The following FMNL2 variants were observed in gnomAD, a reference collection of about 807,000 sequenced individuals.
The protein encoded by FMNL2 is formin-like protein 2.
Under a neutral mutation model 130.2 loss-of-function variants are expected in FMNL2, and 51 were observed. The observed-to-expected ratio is 0.39, with a 90% CI of 0.31 to 0.49. The LOEUF (loss-of-function observed/expected upper bound fraction) is 0.49. Ranked by LOEUF, FMNL2 falls within the 20% of genes least tolerant of loss-of-function variation. The probability of loss-of-function intolerance (pLI) is 0.85; values close to 1 mark genes in which losing one functional copy is unlikely to be tolerated. For missense variants in FMNL2, 977 were observed against 1,316.2 expected (o/e 0.74, Z 3.99); for synonymous variants, 465 against 467.1 (o/e 1.00, Z 0.06).
At chr2:152,545,259 T>C (rs927817108) in intron 3 of FMNL2, among the ~76,000 whole-genome samples, 1 of 152,108 alleles carries the variant, frequency 6.6e-6, no homozygotes, top group Non-Finnish European at 1.5e-5. Context: ...TTCTCAGCTG[T>C]ATTATGGTGG....
chr2:152,578,294 A>G (rs991842974), intron 7 of FMNL2, among the ~76,000 whole-genome samples: 1 of 152,134 alleles, frequency 6.6e-6, no homozygotes. Flanking sequence ...GTAGTCAAAA[A>G]TCTGTATATA....
At chr2:152,347,274 G>A (rs1009110157) in intron 1 of FMNL2, among the ~76,000 whole-genome samples, 15 of 152,124 alleles carry the variant, frequency 9.9e-5, no homozygotes, top group Admixed American at 9.2e-4. Flanking sequence ...GTGGAAGAGA[G>A]TAGGCCACAG....
intron 1 of FMNL2, among the ~76,000 whole-genome samples, chr2:152,428,654 A>T (rs1246463147): frequency 6.6e-6 from 1 of 152,172 alleles, no homozygotes; most frequent in Non-Finnish European, 1.5e-5. Flanking sequence ...AAAGACCCCT[A>T]TAGAATATCT....
intron 2 of FMNL2, among the ~76,000 whole-genome samples, chr2:152,532,388 C>T (rs796387495): frequency 1.3e-5 from 2 of 152,094 alleles, no homozygotes; most frequent in South Asian, 2.1e-4. Flanking sequence ...GATGTAATAG[C>T]GTCCCTGTTG....
At chr2:152,391,615 T>C (rs1228265600) in intron 1 of FMNL2, among the ~76,000 whole-genome samples, 1 of 151,898 alleles carries the variant, frequency 6.6e-6, no homozygotes, top group Non-Finnish European at 1.5e-5. Context: ...TTACTGTAGT[T>C]AGACAGAGTT....
intron 9 of FMNL2, among the ~76,000 whole-genome samples, chr2:152,595,674 T>C (rs1365834502): frequency 6.6e-6 from 1 of 152,160 alleles, no homozygotes; most frequent in African/African-American, 2.4e-5. Context: ...TTTACTTGGG[T>C]GGATTCATTC....
chr2:152,624,076 CTCAA>C (rs1681586647), intron 15 of FMNL2, among the ~76,000 whole-genome samples: 1 of 1,692 alleles, frequency 5.9e-4, no homozygotes, highest in African/African-American at 2.8e-3. Flanking sequence ...CTCCCCTCCA[CTCAA>C]TTCCCTTCGC....
At chr2:152,359,481 C>CTTTTTTTTTTT (rs10694393) in intron 1 of FMNL2, among the ~76,000 whole-genome samples, 15 of 73,050 alleles carry the variant, frequency 2.1e-4, no homozygotes, top group African/African-American at 5.0e-4. Context: ...AAGAGGTAGC[C>CTTTTTTTTTTT]TTTTTTTTTT....
chr2:152,649,522 G>T lies in FMNL2; in HGVS notation c.*1617G>T, dbSNP rs1298360704. The T allele has an allele frequency of 6.6e-6, 1 of 152,528 alleles. No individual in the cohort carries two copies. 9.4% of individuals were successfully genotyped at this position (152,528 alleles called of 1,614,324 possible). On this transcript the variant is annotated 3_prime_UTR_variant, in exon 26 of 26. Transcript: ENST00000288670. Reference sequence around the variant, plus strand: ...ATAAATGTGTACTTTACTTTAAAAAGAACATGCCACGATTTTGTCTTTCTG... The same window carrying T: ...ATAAATGTGTACTTTACTTTAAAAATAACATGCCACGATTTTGTCTTTCTG...
chr2:152,638,753 G>A (rs1682833283), intron 23 of FMNL2, among the ~76,000 whole-genome samples: 1 of 152,222 alleles, frequency 6.6e-6, no homozygotes, highest in Non-Finnish European at 1.5e-5. Flanking sequence ...GCAGTGCTTG[G>A]TAGCCCAAGC....
intron 1 of FMNL2, among the ~76,000 whole-genome samples, chr2:152,341,925 G>A (rs1446422258): frequency 6.6e-6 from 1 of 152,198 alleles, no homozygotes; most frequent in Non-Finnish European, 1.5e-5. Flanking sequence ...GTGATTGGAA[G>A]GCCCTTTGCA....
intron 25 of FMNL2, among the ~76,000 whole-genome samples, chr2:152,646,169 A>AAC (rs1491138378): frequency 1.4e-5 from 2 of 138,286 alleles, no homozygotes; most frequent in African/African-American, 5.1e-5. Flanking sequence ...AAAAAAAAAA[A>AAC]ACAAACAAAC....
chr2:152,550,640 A>G (rs1694884189), intron 4 of FMNL2, among the ~76,000 whole-genome samples: 1 of 152,226 alleles, frequency 6.6e-6, no homozygotes, highest in Non-Finnish European at 1.5e-5. Context: ...ATCTGGGATC[A>G]AAGCAATGAG....
intron 9 of FMNL2, among the ~76,000 whole-genome samples, chr2:152,597,099 A>G (rs1354326799): frequency 6.6e-6 from 1 of 152,230 alleles, no homozygotes; most frequent in Non-Finnish European, 1.5e-5. Context: ...AATCACATGC[A>G]TTATTTTTAC....
intron 1 of FMNL2, among the ~76,000 whole-genome samples, chr2:152,521,244 A>G (rs1693068586): frequency 6.6e-6 from 1 of 152,154 alleles, no homozygotes; most frequent in South Asian, 2.1e-4. Flanking sequence ...CCTGGGAAAA[A>G]ATCCATGACC....
intron 3 of FMNL2, among the ~76,000 whole-genome samples, chr2:152,548,160 G>A (rs1694748429): frequency 1.3e-5 from 2 of 152,166 alleles, no homozygotes; most frequent in Non-Finnish European, 2.9e-5. Context: ...TGCTCTGGAG[G>A]AAGGACCCTC....
intron 21 of FMNL2, among the ~76,000 whole-genome samples, chr2:152,632,609 T>A (rs1682252479): frequency 6.6e-6 from 1 of 152,220 alleles, no homozygotes. Flanking sequence ...GTCATTTAAA[T>A]CATCTGTGAC....
At chr2:152,473,956 C>T (rs1459392622) in intron 1 of FMNL2, among the ~76,000 whole-genome samples, 2 of 152,194 alleles carry the variant, frequency 1.3e-5, no homozygotes, top group African/African-American at 4.8e-5. Context: ...CTCACTGCAA[C>T]CTCCACGTCC....
At chr2:152,428,512 T>G (rs1227715881) in intron 1 of FMNL2, among the ~76,000 whole-genome samples, 1 of 152,220 alleles carries the variant, frequency 6.6e-6, no homozygotes, top group Non-Finnish European at 1.5e-5. Context: ...TCTTGATGTC[T>G]TCTAGGTTAG....
Sources: gnomAD v4.1 joint callset for allele counts (sites outside exome capture counted in the v4.1 genomes callset) on GRCh38, gnomAD v4.1.1 for gene constraint, MANE v1.5 for transcripts, NCBI Gene and HGNC (gene_info 2026-07-23, HGNC 2026-07-21) for gene names.